Variants in ADGRB1 observed in about 807,000 individuals in gnomAD.
ADGRB1 encodes the protein brain-specific angiogenesis inhibitor 1.
Under a neutral mutation model 175.7 loss-of-function variants are expected in ADGRB1, and 36 were observed. The observed-to-expected ratio is 0.20, with a 90% CI of 0.16 to 0.27. ADGRB1 has a LOEUF of 0.27. ADGRB1 is among the 10% of genes least tolerant of loss of function. The probability of loss-of-function intolerance (pLI) is 1.00; values close to 1 mark genes in which losing one functional copy is unlikely to be tolerated. For synonymous variants in ADGRB1, 1,054 were observed against 979.4 expected (o/e 1.08, Z -1.42); for missense variants, 1,731 against 2,255.3 (o/e 0.77, Z 4.71).
chr8:142,528,879 C>T (rs1844409179), intron 24 of ADGRB1, among the ~76,000 whole-genome samples: 1 of 152,354 alleles, frequency 6.6e-6, no homozygotes, highest in African/African-American at 2.4e-5. Context: ...GGCGTGGGGC[C>T]GGGCCTGGGC....
At chr8:142,536,949 C>T (rs1468615992) in intron 25 of ADGRB1, 38 bp from the exon 26 acceptor site, 25 of 1,520,540 alleles carry the variant, frequency 1.6e-5, no homozygotes, top group African/African-American at 2.8e-5. Flanking sequence ...AGGGTGGGGG[C>T]GTGGCTGCCA....
rs540714472 is a variant in ADGRB1, at chr8:142,542,976, G to T, written c.4413+329G>T. ...GCACATACCTGCCTAGGTCAGCCTGGAGCCTGCAGCTGACCCAGCCTCAGT... is the reference window on the plus strand; with the variant it reads ...GCACATACCTGCCTAGGTCAGCCTGTAGCCTGCAGCTGACCCAGCCTCAGT... On this transcript the variant is annotated intron_variant, in intron 28 of 30. Coordinates refer to ENST00000517894, the MANE Select transcript of ADGRB1 (RefSeq NM_001702.3). This position sits in a 1 kb window ranked among gnomAD's most constrained non-coding sequence, Gnocchi z 6.3. Among the ~76,000 whole-genome samples, 14 of 152,196 alleles carry T rather than the reference G, an allele frequency of 9.2e-5. No individual in the cohort carries two copies. The highest frequency in any genetic ancestry group is 1.9e-4 in the Non-Finnish European group (13 of 68,018).
chr8:142,525,522 TCTC>T lies in ADGRB1; in HGVS notation c.3313-1019_3313-1017del, dbSNP rs541510114. On this transcript the variant is annotated intron_variant, in intron 23 of 30. Transcript: ENST00000517894. ...TCCGTCACTGGTGTCCATCCTCTCT[TCTC>T]TGCTCCGGCCACATCAGAAAAGTAG... 3.6e-3 allele frequency among the ~76,000 whole-genome samples: 550 copies of T among 152,180 alleles called. 5 individuals carry two copies. The highest frequency in any genetic ancestry group is 0.012 in the African/African-American group (519 of 41,526).
chr8:142,510,920 G>T lies in ADGRB1; in HGVS notation c.2676-12G>T. 3 of 361,390 alleles carry T rather than the reference G, an allele frequency of 8.3e-6. No individual in the cohort carries two copies. Among genetic ancestry groups the T allele is most frequent in the South Asian group, 8.5e-5 (1 of 11,700 alleles). The allele number at this position is 361,390 out of a possible 1,614,324, so 22.4% of individuals were successfully genotyped here. A position where few individuals can be genotyped will look rare whatever the true frequency, so the allele number is the denominator to read the frequency against. ...TCCGCCTGTCTCCCTCCCGTGTCCCGCCCGCCCCCAGACCCTCCTCCTCCG... is the reference window on the plus strand; with the variant it reads ...TCCGCCTGTCTCCCTCCCGTGTCCCTCCCGCCCCCAGACCCTCCTCCTCCG... On this transcript the variant is annotated splice_polypyrimidine_tract_variant and intron_variant, in intron 17 of 30. Coordinates refer to ENST00000517894, the MANE Select transcript of ADGRB1 (RefSeq NM_001702.3). The surrounding 1 kb of genome is among the most constrained non-coding windows in gnomAD (Gnocchi z 6.3).
At chr8:142,466,252 G>A (rs1408418630) in intron 2 of ADGRB1, among the ~76,000 whole-genome samples, 2 of 152,158 alleles carry the variant, frequency 1.3e-5, no homozygotes, top group Non-Finnish European at 2.9e-5. Context: ...GGTACCCAGG[G>A]GCCTTGACTT....
intron 11 of ADGRB1, among the ~76,000 whole-genome samples, chr8:142,482,324 T>A (rs1463528940): frequency 3.1e-4 from 30 of 96,764 alleles, no homozygotes; most frequent in East Asian, 6.6e-4. Context: ...CTGGTCACAT[T>A]CTGAGCCCTG....
At chr8:142,453,628 G>T (rs1563670695) in intron 1 of ADGRB1, among the ~76,000 whole-genome samples, 1 of 152,196 alleles carries the variant, frequency 6.6e-6, no homozygotes, top group African/African-American at 2.4e-5. Flanking sequence ...CTCACTAGAC[G>T]CGTGGGTGCC....
rs570250759 is a variant in ADGRB1, at chr8:142,470,462, CA to C, written c.785-5011del. The stretch of plus-strand genomic sequence containing the variant: ...GAGCCATTTTTTGCACAAGGAGGGA[CA>C]GGGGAGCCACTCCTTTTGCACAAGG... On this transcript the variant is annotated intron_variant, in intron 2 of 30. Transcript: ENST00000517894. 2.5e-4 allele frequency among the ~76,000 whole-genome samples: 38 copies of C among 151,698 alleles called. No homozygotes were observed. In the East Asian group the frequency reaches 2.5e-3, roughly 10 times the overall value.
At chr8:142,473,745 G>A (rs568508232) in intron 2 of ADGRB1, among the ~76,000 whole-genome samples, 3 of 152,218 alleles carry the variant, frequency 2.0e-5, no homozygotes, top group Non-Finnish European at 4.4e-5. Context: ...AGGTGTGGGG[G>A]CCTGGAAGAC....
chr8:142,529,267 T>C (rs1844439040), intron 24 of ADGRB1, among the ~76,000 whole-genome samples: 1 of 152,098 alleles, frequency 6.6e-6, no homozygotes, highest in Admixed American at 6.5e-5. Flanking sequence ...GGTATGTGTG[T>C]ATGAGTGTGC....
At position 142,484,630 on chromosome 8, in the gene ADGRB1, C is replaced by T. The variant is rs765640780; in HGVS notation, c.2200-26C>T. Reference sequence around the variant, plus strand: ...TAAGGGACAGTGGGGCCTCCTCCCTCGGCTGCTCACCCCCCTGCCCTCCAG... The same window carrying T: ...TAAGGGACAGTGGGGCCTCCTCCCTTGGCTGCTCACCCCCCTGCCCTCCAG... On this transcript the variant is annotated intron_variant, in intron 12 of 30. Coordinates refer to ENST00000517894, the MANE Select transcript of ADGRB1 (RefSeq NM_001702.3). The T allele has an allele frequency of 3.3e-5, 53 of 1,590,226 alleles. No individual in the cohort carries two copies. In the Admixed American group the frequency reaches 3.8e-4, roughly 12 times the overall value.
intron 19 of ADGRB1, among the ~76,000 whole-genome samples, chr8:142,519,668 AGTG>A (rs1407297859): frequency 3.0e-5 from 2 of 66,900 alleles, no homozygotes; most frequent in African/African-American, 1.4e-4. Flanking sequence ...TGATGATGGT[AGTG>A]GTGGTGATGG....
In ADGRB1 at chr8:142,453,359, C is replaced by T. The variant is rs543390484; in HGVS notation, c.-220+3255C>T. ...TACCGTCGGCTCTGGCTCTGGGCTGCCCCCGGGTCTGCTCTGTGTGCACGG... is the reference window on the plus strand; with the variant it reads ...TACCGTCGGCTCTGGCTCTGGGCTGTCCCCGGGTCTGCTCTGTGTGCACGG... On this transcript the variant is annotated intron_variant, in intron 1 of 30. Coordinates refer to ENST00000517894, the MANE Select transcript of ADGRB1 (RefSeq NM_001702.3). Among the ~76,000 whole-genome samples the T allele has an allele frequency of 2.6e-5, 4 of 152,292 alleles. No individual in the cohort carries two copies. The East Asian group carries it at 7.7e-4, about 29-fold the overall frequency.
chr8:142,459,078 C>T (rs949507957), intron 1 of ADGRB1, among the ~76,000 whole-genome samples: 15 of 152,218 alleles, frequency 9.9e-5, no homozygotes, highest in African/African-American at 1.4e-4. Context: ...CACCTGTTGC[C>T]GGGATGCCCG....
chr8:142,511,123 C>G lies in ADGRB1; in HGVS notation c.2817+50C>G. 1.9e-6 allele frequency: 2 copies of G among 1,050,802 alleles called. No individual in the cohort carries two copies. The highest frequency in any genetic ancestry group is 2.3e-6 in the Non-Finnish European group (2 of 872,606). 65.1% of individuals were successfully genotyped at this position (1,050,802 alleles called of 1,614,324 possible). On this transcript the variant is annotated intron_variant, in intron 18 of 30. Transcript: ENST00000517894. The surrounding 1 kb of genome is among the most constrained non-coding windows in gnomAD (Gnocchi z 4.5). Reference sequence around the variant, plus strand: ...GAGGGGCGCCGGGCAGGGGCGCGGGCGGGGGCTGCCGGCGGGCCTGCGGGT... The same window carrying G: ...GAGGGGCGCCGGGCAGGGGCGCGGGGGGGGGCTGCCGGCGGGCCTGCGGGT...
rs1436294083 is a variant in ADGRB1, at chr8:142,474,264, C to T, written c.785-1210C>T. On this transcript the variant is annotated intron_variant, in intron 2 of 30. Coordinates refer to ENST00000517894, the MANE Select transcript of ADGRB1 (RefSeq NM_001702.3). The surrounding 1 kb of genome is among the most constrained non-coding windows in gnomAD (Gnocchi z 5.8). ...GGCCTGATTGCTGCCCCTGGGGCCT[C>T]CCCTGCTGTACCTGGGATCGAGCTG... Among the ~76,000 whole-genome samples, 1 of 152,236 alleles carries T rather than the reference C, an allele frequency of 6.6e-6. No homozygotes were observed. Among genetic ancestry groups the T allele is most frequent in the Middle Eastern group, 3.4e-3 (1 of 294 alleles).
At chr8:142,466,148 G>T (rs948817806) in intron 2 of ADGRB1, among the ~76,000 whole-genome samples, 1 of 152,170 alleles carries the variant, frequency 6.6e-6, no homozygotes, top group South Asian at 2.1e-4. Context: ...GCAATGCCAG[G>T]CAGGGGCTGA....
At position 142,537,098 on chromosome 8, in the gene ADGRB1, C is replaced by A; in HGVS notation, c.3666+16C>A. The A allele has an allele frequency of 6.8e-7, 1 of 1,474,346 alleles. No individual in the cohort carries two copies. 91.3% of individuals were successfully genotyped at this position (1,474,346 alleles called of 1,614,324 possible). On this transcript the variant is annotated intron_variant, in intron 26 of 30. Transcript: ENST00000517894. This position sits in a 1 kb window ranked among gnomAD's most constrained non-coding sequence, Gnocchi z 4.6. ...CCAGCTCATGGTAGGACTCAGGGCC[C>A]GGGGACTCAGGCTGCCCTACCTGCC...
chr8:142,471,771 AG>A (rs1840677035), intron 2 of ADGRB1, among the ~76,000 whole-genome samples: 1 of 152,020 alleles, frequency 6.6e-6, no homozygotes, highest in African/African-American at 2.4e-5. Flanking sequence ...CTGTGGCGGG[AG>A]GAAGGGGGAC....
Sources: gnomAD v4.1 joint callset for allele counts (sites outside exome capture counted in the v4.1 genomes callset) on GRCh38, gnomAD v4.1.1 for gene constraint, Gnocchi (gnomAD v3.1) non-coding constraint, MANE v1.5 for transcripts, NCBI Gene and HGNC (gene_info 2026-07-23, HGNC 2026-07-21) for gene names.